CLTCL1: variants seen among roughly 807,000 people sequenced by gnomAD.
CLTCL1 encodes the protein clathrin heavy chain 2.
A neutral mutation model predicts 190.0 loss-of-function variants in CLTCL1; 159 were observed. The ratio of observed to expected loss-of-function variants is 0.84; its 90% CI spans 0.74 to 0.95. CLTCL1 has a LOEUF of 0.95. Among genes scored for constraint, CLTCL1 ranks in the 40% least tolerant of loss-of-function variants. The pLI is 0.00. For synonymous variants in CLTCL1, 752 were observed against 769.6 expected, an observed-to-expected ratio of 0.98 and a Z score of 0.38; for missense variants, 1,878 against 2,033.4, an observed-to-expected ratio of 0.92 and a Z score of 1.47.
intron 13 of CLTCL1, among the ~76,000 whole-genome samples, chr22:19,225,204 A>G (rs1362598335): frequency 6.6e-6 from 1 of 152,208 alleles, no homozygotes; most frequent in African/African-American, 2.4e-5. Flanking sequence ...ACCGGGCTCC[A>G]TAAGTTTCTC....
chr22:19,260,928 C>T (rs1293953142), intron 2 of CLTCL1, among the ~76,000 whole-genome samples: 1 of 146,376 alleles, frequency 6.8e-6, no homozygotes. Flanking sequence ...ATCTACTGAT[C>T]AGAAAAAAAA....
At chr22:19,285,054 T>C (rs1601746110) in intron 1 of CLTCL1, among the ~76,000 whole-genome samples, 1 of 152,182 alleles carries the variant, frequency 6.6e-6, no homozygotes, top group South Asian at 2.1e-4. Context: ...GGCAGGCGGA[T>C]CACAAGGTCA....
intron 1 of CLTCL1, 123 bp downstream of exon 1, chr22:19,291,477 C>T: frequency 2.1e-6 from 2 of 969,056 alleles, no homozygotes; most frequent in Admixed American, 4.4e-5. Context: ...GGTGGGAGGT[C>T]GGAAATCGGC....
chr22:19,209,319 A>G (rs1166283172), intron 20 of CLTCL1: 3 of 487,110 alleles, frequency 6.2e-6, no homozygotes, highest in Non-Finnish European at 1.1e-5. Flanking sequence ...ATGCCGAACA[A>G]AGAAGAGACA....
chr22:19,289,103 C>A (rs1305848010), intron 1 of CLTCL1, among the ~76,000 whole-genome samples: 1 of 152,208 alleles, frequency 6.6e-6, no homozygotes, highest in Admixed American at 6.5e-5. Flanking sequence ...CCCGCCTCAG[C>A]CTCCTGACTA....
At chr22:19,191,195 A>G (rs1354910265) in intron 27 of CLTCL1, 109 bp downstream of exon 27, 15 of 1,342,878 alleles carry the variant, frequency 1.1e-5, no homozygotes, top group Non-Finnish European at 1.3e-5. Context: ...TGAATCTTCA[A>G]GTCAGCTGGG....
At chr22:19,258,354 ACAGTGGTC>A in intron 2 of CLTCL1, 1 of 408,474 alleles carries the variant, frequency 2.4e-6, no homozygotes. Flanking sequence ...GGAGAGCACC[ACAGTGGTC>A]ATCACGCAGT....
At chr22:19,232,423 T>C in intron 10 of CLTCL1, 53 bp downstream of exon 10, 1 of 1,611,150 alleles carries the variant, frequency 6.2e-7, no homozygotes, top group Non-Finnish European at 8.5e-7. Flanking sequence ...AAAGAAATCT[T>C]CTAGATGGCT....
intron 29 of CLTCL1, 71 bp downstream of exon 29, chr22:19,187,487 T>C: frequency 6.6e-7 from 1 of 1,504,876 alleles, no homozygotes; most frequent in South Asian, 1.2e-5. Context: ...AGGGAAGGGA[T>C]GTGACCCCCA....
intron 2 of CLTCL1, among the ~76,000 whole-genome samples, chr22:19,271,759 GACATA>G (rs1240897860): frequency 6.6e-6 from 1 of 152,124 alleles, no homozygotes; most frequent in African/African-American, 2.4e-5. Flanking sequence ...CCTATAAAAG[GACATA>G]AAAGACCTCT....
intron 13 of CLTCL1, 117 bp downstream of exon 13, chr22:19,225,336 T>A: frequency 9.3e-7 from 1 of 1,080,524 alleles, no homozygotes; most frequent in South Asian, 1.7e-5. Flanking sequence ...AGGCAGCCAG[T>A]GCTGCATCCT....
intron 2 of CLTCL1, chr22:19,258,854 G>C (rs2086851377): frequency 9.2e-6 from 5 of 544,496 alleles, no homozygotes; most frequent in Middle Eastern, 5.3e-4. Context: ...CCAGTAAAAA[G>C]TTCACAGGTT....
intron 3 of CLTCL1, among the ~76,000 whole-genome samples, chr22:19,250,681 G>A (rs2086567350): frequency 6.6e-6 from 1 of 151,988 alleles, no homozygotes; most frequent in South Asian, 2.1e-4. Context: ...AGCCTCCAGA[G>A]TAGCTGGAAC....
intron 1 of CLTCL1, among the ~76,000 whole-genome samples, chr22:19,279,910 C>T (rs1462734003): frequency 6.6e-6 from 1 of 152,224 alleles, no homozygotes; most frequent in African/African-American, 2.4e-5. Flanking sequence ...CTTGTGTCCA[C>T]AGCTGAACTG....
rs2084506447 is a variant in CLTCL1, at chr22:19,191,554, A to G, written c.4192-119T>C. ...GAGGCCTGCCATGACTACCCCCTAT[A>G]AGACTCAATGGCCTGTGAAGGTGCC... On this transcript the variant is annotated intron_variant, in intron 26 of 32. Coordinates refer to ENST00000427926, the MANE Select transcript of CLTCL1 (RefSeq NM_007098.4). The G allele has an allele frequency of 2.5e-6, 3 of 1,203,272 alleles. No individual in the cohort carries two copies. The African/African-American group carries it at 4.5e-5, about 18-fold the overall frequency. 74.5% of individuals were successfully genotyped at this position (1,203,272 alleles called of 1,614,324 possible).
At chr22:19,256,849 T>C (rs2086778065) in intron 2 of CLTCL1, among the ~76,000 whole-genome samples, 3 of 152,024 alleles carry the variant, frequency 2.0e-5, no homozygotes, top group South Asian at 4.1e-4. Flanking sequence ...ATAATGAATA[T>C]GGAAATGCAG....
chr22:19,224,762 G>C (rs1383820922), intron 13 of CLTCL1, among the ~76,000 whole-genome samples: 2 of 152,082 alleles, frequency 1.3e-5, no homozygotes, highest in African/African-American at 4.8e-5. Flanking sequence ...TTCCTACAGG[G>C]GTGTCTTCTA....
chr22:19,252,484 T>G (rs2096378), intron 3 of CLTCL1, among the ~76,000 whole-genome samples: 11,892 of 152,256 alleles, frequency 0.078, 539 homozygotes, highest in Middle Eastern at 0.17. Context: ...GCAAAATGCA[T>G]CTTAGATCCC....
chr22:19,257,717 T>C (rs1555973356), intron 2 of CLTCL1: 2 of 1,116,120 alleles, frequency 1.8e-6, no homozygotes, highest in African/African-American at 1.8e-5. Context: ...CCCTGGCCAC[T>C]GGGATGGCCA....
Sources: allele counts gnomAD v4.1 joint callset (sites outside exome capture counted in the v4.1 genomes callset), GRCh38; gene constraint gnomAD v4.1.1; transcripts MANE v1.5; gene names NCBI Gene and HGNC (gene_info 2026-07-23, HGNC 2026-07-21).